The following ADAMTSL3 variants were observed in gnomAD, a reference collection of about 807,000 sequenced individuals.
The protein encoded by ADAMTSL3 is ADAMTS-like protein 3.
A neutral mutation model predicts 201.7 loss-of-function variants in ADAMTSL3; 128 were observed. The ratio of observed to expected loss-of-function variants is 0.63; its 90% CI spans 0.55 to 0.73. The LOEUF is 0.73. Ranked by LOEUF, ADAMTSL3 falls within the 30% of genes least tolerant of loss-of-function variation. The pLI is 0.00. For missense variants in ADAMTSL3, 1,990 were observed against 2,119.6 expected, an observed-to-expected ratio of 0.94 and a Z score of 1.20; for synonymous variants, 738 against 748.4, an observed-to-expected ratio of 0.99 and a Z score of 0.23.
At chr15:83,905,702 C>T (rs919594354) in intron 15 of ADAMTSL3, among the ~76,000 whole-genome samples, 6 of 152,142 alleles carry the variant, frequency 3.9e-5, no homozygotes, top group African/African-American at 1.4e-4. Flanking sequence ...AAAACTGCAG[C>T]GAATTCCAAA....
chr15:84,012,954 A>C (rs1480881926), intron 23 of ADAMTSL3, among the ~76,000 whole-genome samples: 2 of 152,246 alleles, frequency 1.3e-5, no homozygotes, highest in Admixed American at 6.5e-5. Flanking sequence ...ATAACTATTG[A>C]GAATGAAAAC....
intron 12 of ADAMTSL3, among the ~76,000 whole-genome samples, chr15:83,891,584 C>A (rs200544963): frequency 6.6e-6 from 1 of 152,162 alleles, no homozygotes; most frequent in Admixed American, 6.5e-5. Flanking sequence ...TGTTTCCCAT[C>A]GCTAGAGCTG....
chr15:83,773,472 T>A (rs778605389), intron 3 of ADAMTSL3, 51 bp from the exon 4 acceptor site: 4 of 1,591,702 alleles, frequency 2.5e-6, no homozygotes, highest in Non-Finnish European at 3.4e-6. Flanking sequence ...CACATTTGCC[T>A]ATACTTTATT....
intron 5 of ADAMTSL3, among the ~76,000 whole-genome samples, chr15:83,818,923 T>C (rs538361640): frequency 6.6e-6 from 1 of 152,240 alleles, no homozygotes; most frequent in East Asian, 1.9e-4. Context: ...AGGCAGGTAC[T>C]TGGTACCAGT....
chr15:83,990,934 C>T lies in ADAMTSL3; in HGVS notation c.3845-152C>T, dbSNP rs572206327. ...CTGAGCACCTCCAGGTATGTATGTG[C>T]ACATCCCCACGGTGCACCTTGAGGG... is the stretch of plus-strand genomic sequence containing the variant. On this transcript the variant is annotated intron_variant, in intron 22 of 29. Transcript: ENST00000286744. 628 of 1,067,726 alleles carry T rather than the reference C, an allele frequency of 5.9e-4. 2 individuals are homozygous for T. The highest frequency in any genetic ancestry group is 7.5e-4 in the Non-Finnish European group (553 of 736,814). 66.1% of individuals were successfully genotyped at this position (1,067,726 alleles called of 1,614,324 possible). A position where few individuals can be genotyped will look rare whatever the true frequency, so the allele number is the denominator to read the frequency against.
intron 23 of ADAMTSL3, among the ~76,000 whole-genome samples, chr15:84,012,899 G>A (rs756157997): frequency 2.6e-5 from 4 of 152,142 alleles, no homozygotes; most frequent in African/African-American, 7.2e-5. Context: ...TTTCACAGAC[G>A]ACACAGTTGA....
chr15:83,942,973 G>C lies in ADAMTSL3; in HGVS notation c.2381G>C (p.Ser794Thr). The C allele has an allele frequency of 6.2e-7, 1 of 1,614,082 alleles. No homozygotes were observed. The highest frequency in any genetic ancestry group is 8.5e-7 in the Non-Finnish European group (1 of 1,179,978). Residue 794 changes from serine to threonine, a missense_variant, in exon 19 of 30, where the codon AGC becomes ACC. Coordinates refer to ENST00000286744, the MANE Select transcript of ADAMTSL3 (RefSeq NM_207517.3). ...TGTCGGCAGCTGCTAACGGATGGCA[G>C]CTTTTTGAATCTCTCAGATGAATTG... ...VTCRQLLTDGSFLNLSDELCQ... is the reference protein window; with the variant it reads ...VTCRQLLTDGTFLNLSDELCQ...
chr15:83,732,826 G>C (rs1435959561), intron 3 of ADAMTSL3, among the ~76,000 whole-genome samples: 1 of 151,950 alleles, frequency 6.6e-6, no homozygotes, highest in Non-Finnish European at 1.5e-5. Context: ...GTGTTAAAGG[G>C]GTATGTTTCT....
intron 5 of ADAMTSL3, among the ~76,000 whole-genome samples, chr15:83,807,330 A>G (rs1307911657): frequency 6.6e-6 from 1 of 151,772 alleles, no homozygotes; most frequent in African/African-American, 2.4e-5. Flanking sequence ...GTGGTGGGCA[A>G]TCGTAATCCC....
intron 3 of ADAMTSL3, among the ~76,000 whole-genome samples, chr15:83,726,337 A>G (rs2062174818): frequency 6.6e-6 from 1 of 152,036 alleles, no homozygotes; most frequent in Non-Finnish European, 1.5e-5. Flanking sequence ...ATATCATCTG[A>G]AAACATGGAT....
chr15:83,821,844 C>T (rs1442980593), intron 6 of ADAMTSL3, among the ~76,000 whole-genome samples: 7 of 151,122 alleles, frequency 4.6e-5, no homozygotes, highest in Non-Finnish European at 8.9e-5. Context: ...CCTCACCTCC[C>T]GGACGGGGCG....
intron 16 of ADAMTSL3, among the ~76,000 whole-genome samples, chr15:83,921,942 A>T (rs1321091963): frequency 2.6e-5 from 4 of 152,080 alleles, no homozygotes; most frequent in Non-Finnish European, 5.9e-5. Context: ...CACTTTCATG[A>T]TAACACTGCA....
intron 3 of ADAMTSL3, among the ~76,000 whole-genome samples, chr15:83,737,420 T>C (rs917163078): frequency 6.6e-5 from 10 of 152,186 alleles, no homozygotes; most frequent in Non-Finnish European, 1.5e-4. Flanking sequence ...GCTGGTCTCA[T>C]GACAGTGAGT....
chr15:83,897,871 G>C lies in ADAMTSL3; in HGVS notation c.1481G>C (p.Cys494Ser), dbSNP rs2065648329. Residue 494 changes from cysteine to serine, a missense_variant, in exon 14 of 30, where the codon TGT becomes TCT. Coordinates refer to ENST00000286744, the MANE Select transcript of ADAMTSL3 (RefSeq NM_207517.3). ...TCTTCTTTGAAGTGCACAGTGACTT[G>C]TGGCCGAGGGTTACGGTACCGGGTT... ...AMEWSQCTVT[C>S]GRGLRYRVVL... The C allele has an allele frequency of 6.2e-7, 1 of 1,602,624 alleles. No individual in the cohort carries two copies. Among genetic ancestry groups the C allele is most frequent in the African/African-American group, 1.3e-5 (1 of 74,752 alleles).
intron 6 of ADAMTSL3, among the ~76,000 whole-genome samples, chr15:83,824,290 A>G (rs2063969809): frequency 6.6e-6 from 1 of 152,040 alleles, no homozygotes; most frequent in Non-Finnish European, 1.5e-5. Flanking sequence ...TACTGGCATT[A>G]CAGGCTTGAA....
intron 3 of ADAMTSL3, among the ~76,000 whole-genome samples, chr15:83,714,822 C>CTTT (rs1567093097): frequency 2.2e-4 from 18 of 83,526 alleles, no homozygotes; most frequent in Non-Finnish European, 2.7e-4. Context: ...TTCTTTCTTT[C>CTTT]CTTCTCTCTC....
At chr15:83,898,798 G>A (rs545654632) in intron 14 of ADAMTSL3, among the ~76,000 whole-genome samples, 3 of 152,178 alleles carry the variant, frequency 2.0e-5, no homozygotes, top group Non-Finnish European at 4.4e-5. Context: ...GTACTTGAGA[G>A]AGGATGGTAA....
intron 2 of ADAMTSL3, among the ~76,000 whole-genome samples, chr15:83,694,703 C>T (rs1344043933): frequency 6.6e-6 from 1 of 152,132 alleles, no homozygotes; most frequent in African/African-American, 2.4e-5. Flanking sequence ...TGTGAAATGC[C>T]AGCATGCTAC....
intron 3 of ADAMTSL3, among the ~76,000 whole-genome samples, chr15:83,768,016 G>A (rs1255817928): frequency 2.0e-5 from 3 of 152,198 alleles, no homozygotes; most frequent in African/African-American, 7.2e-5. Context: ...GGTTCAAACA[G>A]ATCTCAACAG....
Sources: allele counts gnomAD v4.1 joint callset (sites outside exome capture counted in the v4.1 genomes callset), GRCh38; gene constraint gnomAD v4.1.1; transcripts MANE v1.5; gene names NCBI Gene and HGNC (gene_info 2026-07-23, HGNC 2026-07-21).